Variants in HMCN1 observed in about 807,000 individuals in gnomAD.
HMCN1 encodes the protein hemicentin 1, also known as hemicentin-1.
A neutral mutation model predicts 625.9 loss-of-function variants in HMCN1; 321 were observed. The observed-to-expected ratio is 0.51, with a 90% confidence interval of 0.47 to 0.56. HMCN1 has a LOEUF of 0.56. Among genes scored for constraint, HMCN1 ranks in the 20% least tolerant of loss-of-function variants. The pLI, the probability that HMCN1 is intolerant of heterozygous loss-of-function variation, is 0.00. For missense variants in HMCN1, 6,588 were observed against 6,887.3 expected (o/e 0.96, Z 1.54); for synonymous variants, 2,425 against 2,417.6 (o/e 1.00, Z -0.09).
chr1:186,114,979 C>G (rs1198791665), intron 74 of HMCN1, 33 bp downstream of exon 74: 1 of 1,613,914 alleles, frequency 6.2e-7, no homozygotes, highest in East Asian at 2.2e-5. Flanking sequence ...CATCCGGTCT[C>G]TGTGTCAAAT....
intron 35 of HMCN1, among the ~76,000 whole-genome samples, chr1:186,021,181 T>C (rs1279091958): frequency 6.6e-6 from 1 of 151,600 alleles, no homozygotes; most frequent in Non-Finnish European, 1.5e-5. Flanking sequence ...TCACTGGGGG[T>C]TGAGGAAAGA....
intron 1 of HMCN1, among the ~76,000 whole-genome samples, chr1:185,797,890 C>A (rs910453563): frequency 9.2e-6 from 1 of 108,846 alleles, no homozygotes; most frequent in African/African-American, 5.0e-5. Flanking sequence ...GGTGTGAACC[C>A]GGGAGGCGGA....
chr1:185,990,414 A>C lies in HMCN1; in HGVS notation c.3348A>C (p.Glu1116Asp), dbSNP rs1652343296. ...CACCCATAATTACTTGGGCCAAAGA[A>C]ACCCAGCTCATCTCACCGTTCTCTC... is the stretch of plus-strand genomic sequence containing the variant. ...LPPPIITWAK[E>D]TQLISPFSPR... The change falls in exon 22 of 107, where the codon GAA becomes GAC. Residue 1116 changes from glutamate to aspartate, a missense_variant. By Grantham distance (45) the Glu-to-Asp change is conservative (BLOSUM62 2). Around this residue, in one of 3 missense-constraint regions of HMCN1, gnomAD observed 4,628 missense variants for 4,853.1 expected, o/e 0.95. Transcript: ENST00000271588. 6.2e-7 allele frequency: 1 copy of C among 1,613,970 alleles called. No individual in the cohort carries two copies. The highest frequency in any genetic ancestry group is 8.5e-7 in the Non-Finnish European group (1 of 1,179,974).
chr1:185,915,877 G>T (rs544336353), intron 6 of HMCN1, among the ~76,000 whole-genome samples: 45 of 152,106 alleles, frequency 3.0e-4, no homozygotes, highest in Non-Finnish European at 5.7e-4. Context: ...AATAGATTAG[G>T]TGTAGCATTA....
At chr1:186,108,349 A>T in intron 70 of HMCN1, 112 bp from the exon 71 acceptor site, 1 of 1,518,562 alleles carries the variant, frequency 6.6e-7, no homozygotes, top group Non-Finnish European at 9.0e-7. Flanking sequence ...TATAAATTAA[A>T]TGAGTAATGT....
intron 97 of HMCN1, among the ~76,000 whole-genome samples, chr1:186,161,141 T>C (rs2102604618): frequency 6.6e-6 from 1 of 151,558 alleles, no homozygotes; most frequent in East Asian, 1.9e-4. Context: ...TAGTTAGCTC[T>C]TCTTGTTGAA....
At chr1:185,742,223 G>T (rs1461421379) in intron 1 of HMCN1, among the ~76,000 whole-genome samples, 153 of 152,208 alleles carry the variant, frequency 1.0e-3, no homozygotes, top group Non-Finnish European at 1.9e-4. Context: ...CAAAGTCCAT[G>T]ATTTACATCA....
At chr1:186,133,066 A>G (rs1461408097) in intron 86 of HMCN1, among the ~76,000 whole-genome samples, 1 of 152,148 alleles carries the variant, frequency 6.6e-6, no homozygotes, top group African/African-American at 2.4e-5. Flanking sequence ...GTTGGTTCCA[A>G]GTTTTGAATA....
rs375954669 is a variant in HMCN1 at position 185,889,217 on chromosome 1, G to T, written c.622-20120G>T. ...GCTTAAGGAGATTTTGGGCTGAGACGATGGGGTTTTCTAGATATACAATCA... is the reference window on the plus strand; with the variant it reads ...GCTTAAGGAGATTTTGGGCTGAGACTATGGGGTTTTCTAGATATACAATCA... On this transcript the variant is annotated intron_variant, in intron 4 of 106. Coordinates refer to ENST00000271588, the MANE Select transcript of HMCN1 (RefSeq NM_031935.3). Among the ~76,000 whole-genome samples the T allele has an allele frequency of 1.8e-3, 254 of 144,540 alleles. No homozygotes were observed. The Middle Eastern group carries it at 0.027, about 16-fold the overall frequency. 94.8% of individuals were successfully genotyped at this position (144,540 alleles called of 152,430 possible).
chr1:186,060,054 T>G (rs2102302666), intron 46 of HMCN1, among the ~76,000 whole-genome samples: 1 of 152,198 alleles, frequency 6.6e-6, no homozygotes, highest in Non-Finnish European at 1.5e-5. Flanking sequence ...ATTTTTACTT[T>G]TTAAGTAAAC....
intron 1 of HMCN1, among the ~76,000 whole-genome samples, chr1:185,809,448 A>G (rs1172860140): frequency 1.3e-5 from 2 of 152,002 alleles, no homozygotes; most frequent in East Asian, 3.9e-4. Flanking sequence ...ATACTATAAC[A>G]TAGTATGTGC....
chr1:186,000,307 C>T, intron 26 of HMCN1, 68 bp downstream of exon 26: 1 of 1,150,312 alleles, frequency 8.7e-7, no homozygotes, highest in Non-Finnish European at 1.3e-6. Flanking sequence ...TTAAATTATT[C>T]TCTCAGTGTA....
intron 91 of HMCN1, 88 bp downstream of exon 91, chr1:186,144,791 T>G: frequency 6.7e-7 from 1 of 1,501,092 alleles, no homozygotes; most frequent in East Asian, 2.3e-5. Flanking sequence ...ATTCCGTTAT[T>G]TGGTTCTTCA....
intron 105 of HMCN1, among the ~76,000 whole-genome samples, chr1:186,183,208 G>A (rs772464867): frequency 6.6e-6 from 1 of 152,200 alleles, no homozygotes; most frequent in South Asian, 2.1e-4. Flanking sequence ...TTTATCAGCA[G>A]CAATCAAATT....
chr1:186,168,884 G>A (rs1652054887), intron 100 of HMCN1, among the ~76,000 whole-genome samples: 1 of 152,002 alleles, frequency 6.6e-6, no homozygotes, highest in African/African-American at 2.4e-5. Flanking sequence ...ACCTACATTA[G>A]GTATTTCTCC....
intron 1 of HMCN1, among the ~76,000 whole-genome samples, chr1:185,793,411 T>C (rs2102205713): frequency 6.6e-6 from 1 of 152,332 alleles, no homozygotes; most frequent in East Asian, 1.9e-4. Flanking sequence ...GACTCGACTT[T>C]CTTGCCTCCC....
At chr1:186,182,428 T>C in intron 105 of HMCN1, 141 bp downstream of exon 105, 1 of 965,252 alleles carries the variant, frequency 1.0e-6, no homozygotes, top group Non-Finnish European at 1.6e-6. Flanking sequence ...TGTTCAGACA[T>C]TGCTTTTGCA....
intron 9 of HMCN1, among the ~76,000 whole-genome samples, chr1:185,925,746 G>C (rs1667243794): frequency 6.6e-6 from 1 of 152,164 alleles, no homozygotes; most frequent in African/African-American, 2.4e-5. Flanking sequence ...AAGACATAAA[G>C]ATGCCAAGAA....
chr1:185,813,932 T>C (rs2102251712), intron 1 of HMCN1, among the ~76,000 whole-genome samples: 1 of 151,930 alleles, frequency 6.6e-6, no homozygotes, highest in South Asian at 2.1e-4. Context: ...AAATAATGAG[T>C]GAATGAATAG....
Sources: allele counts gnomAD v4.1 joint callset (sites outside exome capture counted in the v4.1 genomes callset), GRCh38; gene constraint gnomAD v4.1.1; regional missense constraint gnomAD v4.1.1; transcripts MANE v1.5; gene names NCBI Gene and HGNC (gene_info 2026-07-23, HGNC 2026-07-21).